Variants in IL21R observed in about 807,000 individuals in gnomAD.
The protein encoded by IL21R is interleukin 21 receptor.
In IL21R, 14 loss-of-function variants were observed where a neutral mutation model predicts 41.3. That is an observed-to-expected ratio of 0.34 (90% CI 0.22 to 0.53). IL21R has a LOEUF of 0.53. Among genes scored for constraint, IL21R ranks in the 20% least tolerant of loss-of-function variants. IL21R has a pLI of 0.94. For missense variants in IL21R, 588 were observed against 681.6 expected (o/e 0.86, Z 1.53); for synonymous variants, 286 against 287.6 (o/e 0.99, Z 0.05).
intron 1 of IL21R, among the ~76,000 whole-genome samples, chr16:27,413,008 G>T (rs2086844151): frequency 6.6e-6 from 1 of 152,056 alleles, no homozygotes; most frequent in Admixed American, 6.5e-5. Flanking sequence ...CAGTTGAATA[G>T]AAATGGCAAG....
chr16:27,429,957 G>T, intron 1 of IL21R, 99 bp from the exon 2 acceptor site: 1 of 1,018,178 alleles, frequency 9.8e-7, no homozygotes, highest in South Asian at 1.4e-5. Flanking sequence ...ACAGTTCCAA[G>T]AATCAGGGGC....
At chr16:27,425,148 T>A (rs2087055309) in intron 1 of IL21R, among the ~76,000 whole-genome samples, 1 of 152,158 alleles carries the variant, frequency 6.6e-6, no homozygotes, top group African/African-American at 2.4e-5. Context: ...CCAAACCATA[T>A]CAAGGGGCTC....
chr16:27,443,643 G>T (rs1472462490), intron 5 of IL21R, among the ~76,000 whole-genome samples: 1 of 152,138 alleles, frequency 6.6e-6, no homozygotes, highest in East Asian at 1.9e-4. Context: ...AATTAGCCAG[G>T]CGTGGTGACA....
intron 7 of IL21R, 85 bp from the exon 8 acceptor site, chr16:27,445,922 T>C: frequency 9.7e-7 from 1 of 1,033,444 alleles, no homozygotes; most frequent in Non-Finnish European, 1.4e-6. Flanking sequence ...GAAGCTCCTG[T>C]AGGATGAAGC....
Position 27,439,380 on chromosome 16 carries a change from A to ACC in IL21R, c.352+1694_352+1695insCC, listed in dbSNP as rs1555497951. On this transcript the variant is annotated intron_variant, in intron 4 of 8. Coordinates refer to ENST00000337929, the MANE Select transcript of IL21R (RefSeq NM_181078.3). ...CATACATACACACACACACACACACACACGTACACAATACACACACACTCA... is the reference window on the plus strand; with the variant it reads ...CATACATACACACACACACACACACACCCACGTACACAATACACACACACTCA... Among the ~76,000 whole-genome samples, 280 of 147,046 alleles carry ACC rather than the reference A, an allele frequency of 1.9e-3. 1 individual carries two copies. The highest frequency in any genetic ancestry group is 6.3e-3 in the African/African-American group (234 of 37,432).
At chr16:27,414,732 G>A (rs2086872633) in intron 1 of IL21R, among the ~76,000 whole-genome samples, 1 of 151,060 alleles carries the variant, frequency 6.6e-6, no homozygotes, top group African/African-American at 2.4e-5. Flanking sequence ...TATTCTTTTT[G>A]TGCTTATCTT....
At chr16:27,442,327 G>A (rs909402476) in intron 4 of IL21R, among the ~76,000 whole-genome samples, 4 of 152,136 alleles carry the variant, frequency 2.6e-5, no homozygotes, top group Admixed American at 2.6e-4. Flanking sequence ...ACCACTCTGT[G>A]CTGCTGGGGC....
intron 1 of IL21R, among the ~76,000 whole-genome samples, chr16:27,419,593 A>G (rs1158315373): frequency 2.0e-5 from 3 of 152,034 alleles, no homozygotes; most frequent in African/African-American, 2.4e-5. Context: ...GTGCCTGGCT[A>G]ATTTTTGTAT....
At chr16:27,431,328 C>T (rs1307922170) in intron 2 of IL21R, among the ~76,000 whole-genome samples, 3 of 152,180 alleles carry the variant, frequency 2.0e-5, no homozygotes, top group Non-Finnish European at 2.9e-5. Context: ...GATAACAAGC[C>T]CTGGCTGCAT....
At chr16:27,405,097 A>G (rs1226518498) in intron 1 of IL21R, among the ~76,000 whole-genome samples, 2 of 151,388 alleles carry the variant, frequency 1.3e-5, no homozygotes, top group African/African-American at 4.9e-5. Context: ...CGGTGGCGCA[A>G]TCTCAACTCA....
chr16:27,430,251 C>A, intron 2 of IL21R, 131 bp downstream of exon 2: 1 of 725,808 alleles, frequency 1.4e-6, no homozygotes, highest in Middle Eastern at 3.7e-4. Context: ...CATCCATGCC[C>A]TTGAGGCTGA....
intron 4 of IL21R, among the ~76,000 whole-genome samples, chr16:27,439,645 C>T (rs903048877): frequency 6.6e-6 from 1 of 151,728 alleles, no homozygotes; most frequent in Non-Finnish European, 1.5e-5. Context: ...ACATTACTCA[C>T]GGGCACACAT....
Position 27,402,456 on chromosome 16 carries a change from T to C in IL21R, c.-179T>C, listed in dbSNP as rs780613543. On this transcript the variant is annotated 5_prime_UTR_variant, in exon 1 of 9. Coordinates refer to ENST00000337929, the MANE Select transcript of IL21R (RefSeq NM_181078.3). ...AGTGACAGGTCTTATGACAGCCTGA[T>C]TGGTGACTCGGGCTGGGTGTGGATT... 1.7e-4 allele frequency: 26 copies of C among 152,608 alleles called. No individual in the cohort carries two copies. The highest frequency in any genetic ancestry group is 2.8e-4 in the Non-Finnish European group (19 of 68,344). The allele number at this position is 152,608 out of a possible 1,614,324, so 9.5% of individuals were successfully genotyped here.
In IL21R at chr16:27,449,027, C is replaced by A. The variant is rs1338509818; in HGVS notation, c.1361C>A (p.Ala454Glu). The change falls in exon 9 of 9, where the codon GCA becomes GAA. Residue 454 changes from alanine (A) to glutamate (E), a missense_variant. Coordinates refer to ENST00000337929, the MANE Select transcript of IL21R (RefSeq NM_181078.3). ...SLLDRLKPPL[A>E]DGEDWAGGLP... ...CTGGACAGACTAAAGCCACCCCTTG[C>A]AGATGGGGAGGACTGGGCTGGGGGA... The A allele has an allele frequency of 1.2e-6, 2 of 1,612,152 alleles. No individual in the cohort carries two copies. Among genetic ancestry groups the A allele is most frequent in the South Asian group, 1.1e-5 (1 of 91,026 alleles).
At chr16:27,425,992 G>T (rs1480905703) in intron 1 of IL21R, among the ~76,000 whole-genome samples, 1 of 152,122 alleles carries the variant, frequency 6.6e-6, no homozygotes, top group Non-Finnish European at 1.5e-5. Context: ...ATTGTATTTA[G>T]TTTTATGGTA....
At chr16:27,431,536 A>T (rs1390454181) in intron 2 of IL21R, among the ~76,000 whole-genome samples, 1 of 152,158 alleles carries the variant, frequency 6.6e-6, no homozygotes, top group East Asian at 1.9e-4. Context: ...GCTGTAACTG[A>T]ATACGTGAGA....
Position 27,448,667 on chromosome 16 carries a change from T to C in IL21R, c.1001T>C (p.Leu334Pro), listed in dbSNP as rs780410948. 10 of 1,613,112 alleles carry C rather than the reference T, an allele frequency of 6.2e-6. No individual in the cohort carries two copies. Among genetic ancestry groups the C allele is most frequent in the Non-Finnish European group, 8.5e-6 (10 of 1,180,014 alleles). Reference protein sequence around the residue: ...SPAKRLQLTELQEPAELVESD... With the variant: ...SPAKRLQLTEPQEPAELVESD... ...GCCAAGAGGCTGCAGCTCACGGAGC[T>C]ACAAGAACCAGCAGAGCTGGTGGAG... The change falls in exon 9 of 9, where the codon CTA (leucine) becomes CCA (proline). Residue 334 changes from leucine to proline, a missense_variant. Leu to Pro is a moderately conservative substitution (Grantham distance 98). Coordinates refer to ENST00000337929, the MANE Select transcript of IL21R (RefSeq NM_181078.3).
intron 1 of IL21R, among the ~76,000 whole-genome samples, chr16:27,418,613 G>T: frequency 6.6e-6 from 1 of 152,062 alleles, no homozygotes; most frequent in Non-Finnish European, 1.5e-5. Context: ...CTCGTGATCT[G>T]CCCGCCTTGG....
At chr16:27,434,073 G>A (rs952608704) in intron 2 of IL21R, among the ~76,000 whole-genome samples, 1 of 152,158 alleles carries the variant, frequency 6.6e-6, no homozygotes, top group African/African-American at 2.4e-5. Flanking sequence ...GGAGGGTGCT[G>A]AGCTGGGGAC....
Sources: gnomAD v4.1 joint callset for allele counts (sites outside exome capture counted in the v4.1 genomes callset) on GRCh38, gnomAD v4.1.1 for gene constraint, MANE v1.5 for transcripts, NCBI Gene and HGNC (gene_info 2026-07-23, HGNC 2026-07-21) for gene names.